Variants in PDXDC1 observed in about 807,000 individuals in gnomAD.
PDXDC1 encodes pyridoxal dependent decarboxylase domain containing 1, also known as pyridoxal-dependent decarboxylase domain-containing protein 1.
A neutral mutation model predicts 100.1 loss-of-function variants in PDXDC1; 42 were observed. The ratio of observed to expected loss-of-function variants is 0.42; its 90% CI spans 0.33 to 0.54. The LOEUF is 0.54. Among genes scored for constraint, PDXDC1 ranks in the 20% least tolerant of loss-of-function variants. The pLI is 0.10. For missense variants in PDXDC1, 636 were observed against 979.2 expected (o/e 0.65, Z 4.68); for synonymous variants, 260 against 371.7 (o/e 0.70, Z 3.46).
chr16:15,143,363 CCT>C (rs894757026), downstream of PDXDC1, among the ~76,000 whole-genome samples: 14 of 152,318 alleles, frequency 9.2e-5, no homozygotes, highest in East Asian at 3.9e-4. Context: ...CCTCCACACC[CCT>C]GTCACAGGTG....
chr16:15,070,258 G>A (rs531264402), intron 16 of PDXDC1: 2 of 1,611,392 alleles, frequency 1.2e-6, no homozygotes, highest in Admixed American at 1.7e-5. Context: ...TACAGTACTA[G>A]AGAAAAGAAA....
chr16:15,055,924 G>A (rs2044494369), intron 16 of PDXDC1: 2 of 1,232,484 alleles, frequency 1.6e-6, no homozygotes, highest in Non-Finnish European at 2.0e-6. Flanking sequence ...CGAGGTCCCC[G>A]GCTGACTGCG....
chr16:15,086,163 C>T lies in PDXDC1; in HGVS notation c.1400-52716C>T, dbSNP rs369978373. On this transcript the variant is annotated intron_variant, in intron 16 of 16. Coordinates refer to the PDXDC1 transcript ENST00000535621. ...AATGGGAAGCAATCATGCTGAGACACGGTCTGAGGAAAACAGTCTGTGCTG... is the reference window on the plus strand; with the variant it reads ...AATGGGAAGCAATCATGCTGAGACATGGTCTGAGGAAAACAGTCTGTGCTG... 18 of 1,606,422 alleles carry T rather than the reference C, an allele frequency of 1.1e-5. 1 individual carries two copies. Among genetic ancestry groups the T allele is most frequent in the Middle Eastern group, 3.3e-4 (2 of 6,054 alleles).
At chr16:15,133,499 G>A (rs1439377582) in intron 16 of PDXDC1, 1 of 858,448 alleles carries the variant, frequency 1.2e-6, no homozygotes, top group African/African-American at 1.7e-5. Flanking sequence ...CCTGTTGAGG[G>A]CGACCACAGC....
chr16:15,039,184 A>T (rs1323811822), downstream of PDXDC1, among the ~76,000 whole-genome samples: 1 of 152,240 alleles, frequency 6.6e-6, no homozygotes, highest in African/African-American at 2.4e-5. Context: ...TGCCAATGGC[A>T]GCCTCAGCTT....
Position 15,123,415 on chromosome 16 carries a change from A to T in PDXDC1, c.1400-15464A>T, listed in dbSNP as rs1012029688. 1.3e-5 allele frequency: 13 copies of T among 998,806 alleles called. 1 individual carries two copies. The highest frequency in any genetic ancestry group is 1.7e-5 in the Non-Finnish European group (11 of 660,452). The allele number at this position is 998,806 out of a possible 1,614,324, so 61.9% of individuals were successfully genotyped here. ...AACATAAAAAACAAATGATGGCAGG[A>T]TGGCAGGAAGAACCTCATACCCAAG... On this transcript the variant is annotated intron_variant, in intron 16 of 16. Transcript: ENST00000535621.
At chr16:15,032,034 A>T in intron 17 of PDXDC1, 128 bp downstream of exon 17, 1 of 846,002 alleles carries the variant, frequency 1.2e-6, no homozygotes, top group Non-Finnish European at 1.8e-6. Flanking sequence ...CGAAAATGCA[A>T]CTCGGTTTTC....
chr16:15,033,296 T>C lies in PDXDC1; in HGVS notation c.1709T>C (p.Met570Thr), dbSNP rs552908782. 100 of 1,614,168 alleles carry C rather than the reference T, an allele frequency of 6.2e-5. No individual in the cohort carries two copies. The highest frequency in any genetic ancestry group is 3.8e-4 in the South Asian group (35 of 91,088). ...TTTGCAGGCCCTGAGTATAAGAGCA[T>C]GAAGAGCTGCCTTTATGTCGGCATG... ...TFKIGPEYKSMKSCLYVGMAS... is the reference protein window; with the variant it reads ...TFKIGPEYKSTKSCLYVGMAS... Residue 570 changes from methionine to threonine, a missense_variant, in exon 19 of 23, where the codon ATG (methionine) becomes ACG (threonine). Met to Thr is a moderately conservative substitution (Grantham distance 81, BLOSUM62 -1). This residue lies in a region of PDXDC1 where 452 missense variants were observed against 402.9 expected (regional missense o/e 1.12). Transcript: ENST00000396410.
chr16:15,066,788 C>G (rs1049529502), intron 16 of PDXDC1, among the ~76,000 whole-genome samples: 18 of 151,654 alleles, frequency 1.2e-4, no homozygotes, highest in African/African-American at 4.3e-4. Flanking sequence ...GCAAAAGCAA[C>G]AGCTACAGAA....
Position 15,016,187 on chromosome 16 carries a change from G to C in PDXDC1, c.786G>C (p.Gln262His), listed in dbSNP as rs766604738. ...GGAGATTGAAAGAACTCTGTGAGCA[G>C]TATGGCATATGGCTTCATGTGGAGG... ...KIGRLKELCEQYGIWLHVEGV... is the reference protein window; with the variant it reads ...KIGRLKELCEHYGIWLHVEGV... The change falls in exon 9 of 23, where the codon CAG (glutamine) becomes CAC (histidine). Residue 262 changes from glutamine to histidine, a missense_variant. By Grantham distance (24) the Gln-to-His change is conservative (BLOSUM62 0). Around this residue, in one of 4 missense-constraint regions of PDXDC1, gnomAD observed 125 missense variants for 479.9 expected, o/e 0.26. Transcript: ENST00000396410. 6.2e-7 allele frequency: 1 copy of C among 1,612,986 alleles called. No individual in the cohort carries two copies. Among genetic ancestry groups the C allele is most frequent in the Non-Finnish European group, 8.5e-7 (1 of 1,179,802 alleles).
chr16:14,982,188 TC>T (rs1968149262), intron 1 of PDXDC1, among the ~76,000 whole-genome samples: 1 of 127,132 alleles, frequency 7.9e-6, no homozygotes, highest in Non-Finnish European at 1.7e-5. Flanking sequence ...CTAACCCTTT[TC>T]AACTAGGAAG....
intron 16 of PDXDC1, among the ~76,000 whole-genome samples, chr16:15,058,545 A>G (rs1251223978): frequency 2.6e-5 from 4 of 152,052 alleles, no homozygotes. Context: ...TGGCCAACAT[A>G]GTGAAACTCC....
Position 15,038,172 on chromosome 16 carries a change from A to G in PDXDC1, c.*1897A>G, listed in dbSNP as rs1376721875. The G allele has an allele frequency of 3.7e-6, 6 of 1,613,640 alleles. No homozygotes were observed. Among genetic ancestry groups the G allele is most frequent in the Non-Finnish European group, 4.2e-6 (5 of 1,179,856 alleles). ...TCAAGGTAGATCTAATATGTTCAAC[A>G]AAGTGGGGTGGCTCAGCCAGAGGCG... On this transcript the variant is annotated 3_prime_UTR_variant, in exon 23 of 23. Coordinates refer to ENST00000396410, the MANE Select transcript of PDXDC1 (RefSeq NM_015027.4).
intron 16 of PDXDC1, among the ~76,000 whole-genome samples, chr16:15,087,487 G>A (rs1286613600): frequency 6.6e-6 from 1 of 152,092 alleles, no homozygotes; most frequent in African/African-American, 2.4e-5. Context: ...CCCTATATGC[G>A]GAGAAGAAGC....
At chr16:15,049,459 C>T (rs143949922) in intron 16 of PDXDC1, among the ~76,000 whole-genome samples, 8 of 151,550 alleles carry the variant, frequency 5.3e-5, no homozygotes, top group East Asian at 3.9e-4. Flanking sequence ...GACAGAGTCT[C>T]GCTCTGTTGC....
chr16:15,147,325 G>C, the PDXDC1 span, among the ~76,000 whole-genome samples: 1 of 152,354 alleles, frequency 6.6e-6, no homozygotes, highest in African/African-American at 2.4e-5. Flanking sequence ...CAGGCACCCT[G>C]TGCGGCTGCA....
At chr16:15,139,837 C>T (rs1375749750), downstream of PDXDC1, among the ~76,000 whole-genome samples, 7 of 152,000 alleles carry the variant, frequency 4.6e-5, no homozygotes, top group Non-Finnish European at 1.0e-4. Flanking sequence ...GTGGCTCACT[C>T]CTGTAATCCC....
chr16:15,055,920 C>G lies in PDXDC1; in HGVS notation c.1399+25864C>G, dbSNP rs902106682. On this transcript the variant is annotated intron_variant, in intron 16 of 16. Transcript: ENST00000535621. ...AAAGGCGGGTGGGCTCGGACGAGGT[C>G]CCCGGCTGACTGCGGCAGCCGCACT... 83 of 1,232,694 alleles carry G rather than the reference C, an allele frequency of 6.7e-5. No homozygotes were observed. Among genetic ancestry groups the G allele is most frequent in the Non-Finnish European group, 7.9e-5 (78 of 987,602 alleles). The allele number at this position is 1,232,694 out of a possible 1,614,324, so 76.4% of individuals were successfully genotyped here.
At position 15,128,532 on chromosome 16, in the gene PDXDC1, G is replaced by A. The variant is rs570846563; in HGVS notation, c.1400-10347G>A. 5.0e-5 allele frequency: 32 copies of A among 635,344 alleles called. No homozygotes were observed. In the East Asian group the frequency reaches 5.2e-4, roughly 10 times the overall value. 39.4% of individuals were successfully genotyped at this position (635,344 alleles called of 1,614,324 possible). A position where few individuals can be genotyped will look rare whatever the true frequency, so the allele number is the denominator to read the frequency against. On this transcript the variant is annotated intron_variant, in intron 16 of 16. Coordinates refer to the PDXDC1 transcript ENST00000535621. ...GGCTTTGCACGGCTCTGCCATACACGAGGAGCTGAGGTTACTGCAATTTGT... is the reference window on the plus strand; with the variant it reads ...GGCTTTGCACGGCTCTGCCATACACAAGGAGCTGAGGTTACTGCAATTTGT...
Sources: gnomAD v4.1 joint callset for allele counts (sites outside exome capture counted in the v4.1 genomes callset) on GRCh38, gnomAD v4.1.1 for gene constraint, gnomAD v4.1.1 regional missense constraint, MANE v1.5 for transcripts, NCBI Gene and HGNC (gene_info 2026-07-23, HGNC 2026-07-21) for gene names.